PCDH10: variants seen among roughly 807,000 people sequenced by gnomAD.
PCDH10 encodes protocadherin 10, also known as protocadherin-10.
PCDH10 carries 15 observed loss-of-function variants against 74.4 expected under a neutral mutation model. The observed-to-expected ratio is 0.20, with a 90% CI of 0.13 to 0.31. The LOEUF is 0.31. Ranked by LOEUF, PCDH10 falls within the 10% of genes least tolerant of loss-of-function variation. PCDH10 has a pLI of 1.00. For missense variants in PCDH10, 1,260 were observed against 1,390.2 expected (o/e 0.91, Z 1.49); for synonymous variants, 619 against 589.8 (o/e 1.05, Z -0.72).
At chr4:133,178,529 C>T (rs1727343308) in intron 4 of PCDH10, among the ~76,000 whole-genome samples, 1 of 146,400 alleles carries the variant, frequency 6.8e-6, no homozygotes, top group South Asian at 2.1e-4. Context: ...AGCCACCCGG[C>T]CTGGACTTTT....
intron 2 of PCDH10, 115 bp from the exon 3 acceptor site, chr4:133,154,802 C>A: frequency 1.4e-6 from 1 of 696,316 alleles, no homozygotes; most frequent in Non-Finnish European, 2.5e-6. Context: ...AGAAACAAAG[C>A]CAACTAAGAG....
Position 133,150,829 on chromosome 4 carries a change from G to T in PCDH10, c.689G>T (p.Arg230Leu). Residue 230 changes from arginine (R) to leucine (L), a missense_variant, in exon 1 of 5, where the codon CGC becomes CTC. By Grantham distance (102) the Arg-to-Leu change is moderately radical. Transcript: ENST00000264360. ...GGAGLPPQQQ[R>L]TGTALLTIRV... ...GCAGGCCTGCCCCCCCAGCAGCAGC[G>T]CACCGGCACGGCCCTACTCACCATC... 6.3e-7 allele frequency: 1 copy of T among 1,590,720 alleles called. No individual in the cohort carries two copies. The highest frequency in any genetic ancestry group is 8.5e-7 in the Non-Finnish European group (1 of 1,169,962).
intron 4 of PCDH10, 58 bp downstream of exon 4, chr4:133,163,340 C>A: frequency 7.1e-7 from 1 of 1,412,888 alleles, no homozygotes; most frequent in Non-Finnish European, 9.5e-7. Context: ...TAAAGTTCAA[C>A]ATTCCACTCT....
At chr4:133,198,556 CAAT>C (rs1232346686), downstream of PCDH10, among the ~76,000 whole-genome samples, 2 of 152,110 alleles carry the variant, frequency 1.3e-5, no homozygotes, top group African/African-American at 4.8e-5. Flanking sequence ...GCCTCTTTGA[CAAT>C]GATGTATGGC....
chr4:133,153,286 C>T (rs1560704874), intron 1 of PCDH10: 3 of 1,007,334 alleles, frequency 3.0e-6, no homozygotes, highest in African/African-American at 3.5e-5. Context: ...TTTTAGTGAA[C>T]AAGTTACCAG....
In PCDH10 at chr4:133,149,989, G is replaced by A. The variant is rs1214396948; in HGVS notation, c.-152G>A. On this transcript the variant is annotated 5_prime_UTR_variant, in exon 1 of 5. Transcript: ENST00000264360. ...CGGGAAGCTCTAAAATGAAGCAAAA[G>A]GAGTAAGATTTTTAAAGACAGAAAG... 1.8e-6 allele frequency: 2 copies of A among 1,125,894 alleles called. No individual in the cohort carries two copies. 69.7% of individuals were successfully genotyped at this position (1,125,894 alleles called of 1,614,324 possible).
chr4:133,168,202 T>C (rs1183872545), intron 4 of PCDH10, among the ~76,000 whole-genome samples: 2 of 151,316 alleles, frequency 1.3e-5, no homozygotes, highest in African/African-American at 4.8e-5. Flanking sequence ...TCTCAGCTAG[T>C]AGAATTTAAA....
Position 133,151,033 on chromosome 4 carries a change from G to A in PCDH10, c.893G>A (p.Arg298Gln). 6.2e-7 allele frequency: 1 copy of A among 1,613,896 alleles called. No individual in the cohort carries two copies. ...SFSSHISPRA[R>Q]ELFGLSPRTG... ...AGCAGCCACATTTCGCCCCGGGCGC[G>A]GGAGCTTTTCGGACTCTCGCCGCGC... The change falls in exon 1 of 5, where the codon CGG becomes CAG. Residue 298 changes from arginine (R) to glutamine (Q), a missense_variant. Transcript: ENST00000264360.
At chr4:133,202,199 T>C (rs1727920852) in intron 2 of PCDH10, among the ~76,000 whole-genome samples, 1 of 152,148 alleles carries the variant, frequency 6.6e-6, no homozygotes, top group African/African-American at 2.4e-5. Flanking sequence ...ATCCTTTTTA[T>C]GGCCAATAAA....
rs74651681 is a variant in PCDH10, at chr4:133,173,732, C to CT, written c.3103+10462dup. On this transcript the variant is annotated intron_variant, in intron 4 of 4. Coordinates refer to ENST00000264360, the MANE Select transcript of PCDH10 (RefSeq NM_032961.3). ...GGAAAAAGATTTAGTTTCTTAAAGT[C>CT]TTTTTTTTTTTTGTCATCTCACATG... 4.3e-3 allele frequency among the ~76,000 whole-genome samples: 632 copies of CT among 147,230 alleles called. 6 individuals are homozygous for CT. Among genetic ancestry groups the CT allele is most frequent in the South Asian group, 0.017 (78 of 4,678 alleles).
In PCDH10 at chr4:133,151,813, C is replaced by T; in HGVS notation, c.1673C>T (p.Ala558Val). Residue 558 changes from alanine (A) to valine (V), a missense_variant, in exon 1 of 5, where the codon GCC (alanine) becomes GTC (valine). This residue lies in a region of PCDH10 where 587 missense variants were observed against 616.9 expected (regional missense o/e 0.95). Coordinates refer to ENST00000264360, the MANE Select transcript of PCDH10 (RefSeq NM_032961.3). ...AGSPQALAGNATVNILIVDQN... is the reference protein window; with the variant it reads ...AGSPQALAGNVTVNILIVDQN... ...AGCCCCCAGGCGCTGGCTGGTAACG[C>T]CACTGTCAACATCCTCATAGTGGAT... is the stretch of plus-strand genomic sequence containing the variant. The T allele has an allele frequency of 6.2e-7, 1 of 1,613,118 alleles. No individual in the cohort carries two copies. The highest frequency in any genetic ancestry group is 8.5e-7 in the Non-Finnish European group (1 of 1,180,052).
At chr4:133,170,365 T>C (rs561386706) in intron 4 of PCDH10, among the ~76,000 whole-genome samples, 2 of 152,124 alleles carry the variant, frequency 1.3e-5, no homozygotes, top group Non-Finnish European at 2.9e-5. Flanking sequence ...ATATACACTG[T>C]TACACAATAC....
In PCDH10 at chr4:133,150,805, C is replaced by A; in HGVS notation, c.665C>A (p.Ala222Glu). 1 of 1,582,256 alleles carries A rather than the reference C, an allele frequency of 6.3e-7. No individual in the cohort carries two copies. Residue 222 changes from alanine to glutamate, a missense_variant, in exon 1 of 5, where the codon GCA becomes GAA. Transcript: ENST00000264360. Reference protein sequence around the residue: ...VGEGGGGGGGAGLPPQQQRTG... With the variant: ...VGEGGGGGGGEGLPPQQQRTG... ...GAAGGAGGGGGAGGTGGCGGGGGAG[C>A]AGGCCTGCCCCCCCAGCAGCAGCGC...
intron 4 of PCDH10, among the ~76,000 whole-genome samples, chr4:133,170,841 C>G (rs561432560): frequency 5.3e-5 from 8 of 152,052 alleles, no homozygotes; most frequent in Non-Finnish European, 1.2e-4. Flanking sequence ...TACAGGCACA[C>G]GCCACCACAC....
At chr4:133,157,604 A>G (rs1726892678) in intron 3 of PCDH10, among the ~76,000 whole-genome samples, 1 of 152,178 alleles carries the variant, frequency 6.6e-6, no homozygotes. Context: ...CAAAACTAAC[A>G]TTGGAAAGAT....
intron 4 of PCDH10, among the ~76,000 whole-genome samples, chr4:133,171,926 G>A (rs892814784): frequency 1.3e-5 from 2 of 151,682 alleles, no homozygotes; most frequent in African/African-American, 4.9e-5. Context: ...GCTTTATCCT[G>A]ATTCTTTACT....
intron 4 of PCDH10, among the ~76,000 whole-genome samples, chr4:133,178,711 C>G (rs1261486972): frequency 6.6e-6 from 1 of 151,694 alleles, no homozygotes; most frequent in Non-Finnish European, 1.5e-5. Flanking sequence ...TTCAAATTAT[C>G]CATGTGTTTT....
chr4:133,155,147 A>G, intron 3 of PCDH10, 124 bp downstream of exon 3: 2 of 675,522 alleles, frequency 3.0e-6, no homozygotes, highest in South Asian at 1.7e-5. Context: ...CTCTACAGAA[A>G]AATAGTGTCA....
chr4:133,200,671 G>T (rs570104737), intron 2 of PCDH10, among the ~76,000 whole-genome samples: 1 of 152,118 alleles, frequency 6.6e-6, no homozygotes, highest in South Asian at 2.1e-4. Context: ...AAATATTTTG[G>T]TCTGAATCCC....
Sources: gnomAD v4.1 joint callset for allele counts (sites outside exome capture counted in the v4.1 genomes callset) on GRCh38, gnomAD v4.1.1 for gene constraint, gnomAD v4.1.1 regional missense constraint, MANE v1.5 for transcripts, NCBI Gene and HGNC (gene_info 2026-07-23, HGNC 2026-07-21) for gene names.